The following SEC23A variants were observed in gnomAD, a reference collection of about 807,000 sequenced individuals.
SEC23A encodes the protein SEC23 homolog A, COPII component, also known as protein transport protein Sec23A.
A neutral mutation model predicts 103.7 loss-of-function variants in SEC23A; 56 were observed. That is an observed-to-expected ratio of 0.54 (90% CI 0.44 to 0.67). The LOEUF (loss-of-function observed/expected upper bound fraction) is 0.67, where lower values mean the gene tolerates loss of function less well. SEC23A is among the 30% of genes least tolerant of loss of function. The pLI is 0.00. For missense variants in SEC23A, 784 were observed against 936.4 expected (o/e 0.84, Z 2.12); for synonymous variants, 281 against 293.0 (o/e 0.96, Z 0.42).
At chr14:39,050,960 T>C (rs987602862) in intron 14 of SEC23A, among the ~76,000 whole-genome samples, 32 of 152,178 alleles carry the variant, frequency 2.1e-4, no homozygotes, top group Non-Finnish European at 7.3e-5. Context: ...GCACTTTAGT[T>C]TCAGTAGCTA....
At chr14:39,040,451 C>G in intron 18 of SEC23A, 1 of 424,004 alleles carries the variant, frequency 2.4e-6, no homozygotes, top group Non-Finnish European at 4.3e-6. Flanking sequence ...CTTGTTCAAC[C>G]AAAGCTAGTA....
chr14:39,076,244 A>C (rs1179534368), intron 7 of SEC23A, 151 bp from the exon 8 acceptor site: 1 of 746,850 alleles, frequency 1.3e-6, no homozygotes, highest in Non-Finnish European at 2.1e-6. Flanking sequence ...TTAAAAACAA[A>C]GGTATCTGAA....
Position 39,061,754 on chromosome 14 carries a change from A to G in SEC23A, c.1505+11T>C, listed in dbSNP as rs1056091806. The G allele has an allele frequency of 1.3e-6, 2 of 1,582,380 alleles. No homozygotes were observed. The highest frequency in any genetic ancestry group is 2.7e-5 in the African/African-American group (2 of 74,256). On this transcript the variant is annotated intron_variant, in intron 13 of 19. Coordinates refer to ENST00000307712, the MANE Select transcript of SEC23A (RefSeq NM_006364.4). ...GATATGAAAATCAAATCTCTAACAA[A>G]TACAACTTACTTCCTAGCAATGGTG...
At position 39,045,061 on chromosome 14, in the gene SEC23A, TC is replaced by T. The variant is rs1288601828; in HGVS notation, c.1899+101del. ...GAGATGTCCATTCTTTTAGTTAAAT[TC>T]TTATATTTAGTAACTATATGCATTT... On this transcript the variant is annotated intron_variant, in intron 16 of 19. Coordinates refer to ENST00000307712, the MANE Select transcript of SEC23A (RefSeq NM_006364.4). The T allele has an allele frequency of 4.1e-6, 4 of 973,708 alleles. No individual in the cohort carries two copies. In the African/African-American group the frequency reaches 4.9e-5, roughly 12 times the overall value. The allele number at this position is 973,708 out of a possible 1,614,324, so 60.3% of individuals were successfully genotyped here. A position where few individuals can be genotyped will look rare whatever the true frequency, so the allele number is the denominator to read the frequency against.
intron 18 of SEC23A, 101 bp downstream of exon 18, chr14:39,040,631 T>C (rs986915430): frequency 5.5e-6 from 8 of 1,449,638 alleles, no homozygotes; most frequent in East Asian, 4.5e-5. Context: ...TACCTTTCTG[T>C]CTGCTTTATG....
chr14:39,099,341 G>C (rs762978471), intron 1 of SEC23A, among the ~76,000 whole-genome samples: 7 of 151,706 alleles, frequency 4.6e-5, no homozygotes, highest in African/African-American at 7.3e-5. Flanking sequence ...TGTATTTTTA[G>C]TAGAGACAGG....
At position 39,042,814 on chromosome 14, in the gene SEC23A, A is replaced by G. The variant is rs1885692303; in HGVS notation, c.1958T>C (p.Phe653Ser). The part of the protein sequence containing the change: ...LADRILLMDT[F>S]FQILIYHGET... ...ACCATGATAAATCAAAATCTGGAAG[A>G]ATGTGTCCATGAGAAGAATACGATC... The change falls in exon 17 of 20, where the codon TTC (phenylalanine) becomes TCC (serine). Residue 653 changes from phenylalanine to serine, a missense_variant. Physicochemically the swap from Phe to Ser is radical, Grantham distance 155 (BLOSUM62 -2). Transcript: ENST00000307712. 1 of 1,611,416 alleles carries G rather than the reference A, an allele frequency of 6.2e-7. No individual in the cohort carries two copies. The highest frequency in any genetic ancestry group is 1.3e-5 in the African/African-American group (1 of 74,864).
intron 5 of SEC23A, among the ~76,000 whole-genome samples, chr14:39,090,692 G>A (rs1325751674): frequency 6.6e-6 from 1 of 152,150 alleles, no homozygotes; most frequent in East Asian, 1.9e-4. Flanking sequence ...ACACTGGGGT[G>A]AGACCCTCAC....
chr14:39,035,569 A>G (rs980465675), intron 19 of SEC23A, among the ~76,000 whole-genome samples: 1 of 152,162 alleles, frequency 6.6e-6, no homozygotes, highest in African/African-American at 2.4e-5. Flanking sequence ...CCAGCCTTCC[A>G]CCCTTCCAAG....
At chr14:39,065,870 T>C (rs1402422899) in intron 10 of SEC23A, among the ~76,000 whole-genome samples, 4 of 151,762 alleles carry the variant, frequency 2.6e-5, no homozygotes, top group Admixed American at 2.0e-4. Context: ...TGGTGGCACA[T>C]GCCTGTAATC....
intron 3 of SEC23A, 198 bp downstream of exon 3, chr14:39,092,989 G>A (rs1486270054): frequency 1.0e-5 from 5 of 494,060 alleles, no homozygotes; most frequent in South Asian, 2.2e-5. Flanking sequence ...TCAGCCTCAC[G>A]AGTAGCTGGG....
chr14:39,064,627 A>G (rs547209684), intron 11 of SEC23A: 8 of 382,012 alleles, frequency 2.1e-5, no homozygotes, highest in African/African-American at 1.6e-4. Flanking sequence ...AGGTATACCA[A>G]TGGGAGCTGA....
At chr14:39,061,545 G>C (rs1378646907) in intron 13 of SEC23A, among the ~76,000 whole-genome samples, 2 of 151,974 alleles carry the variant, frequency 1.3e-5, no homozygotes, top group Non-Finnish European at 2.9e-5. Context: ...ATAATATTTT[G>C]AAGGGTGTGT....
chr14:39,060,449 TGA>T (rs2139223397), intron 13 of SEC23A, among the ~76,000 whole-genome samples: 1 of 152,250 alleles, frequency 6.6e-6, no homozygotes, highest in South Asian at 2.1e-4. Context: ...TTAATGAAAA[TGA>T]GAGCTACAAA....
chr14:39,040,836 T>C lies in SEC23A; in HGVS notation c.2038A>G (p.Asn680Asp), dbSNP rs200050093. The C allele has an allele frequency of 3.3e-4, 529 of 1,614,058 alleles. No homozygotes were observed. Among genetic ancestry groups the C allele is most frequent in the Non-Finnish European group, 4.3e-4 (502 of 1,180,030 alleles). ...GGGGCTTGCAGAAGGTGGCGGAAAT[T>C]TTCATACTCAGGCATATCCTGGTAT... is the stretch of plus-strand genomic sequence containing the variant. ...SGYQDMPEYE[N>D]FRHLLQAPVD... The change falls in exon 18 of 20, where the codon AAT (asparagine) becomes GAT (aspartate). Residue 680 changes from asparagine (N) to aspartate (D), a missense_variant. Asn to Asp is a conservative substitution (Grantham distance 23, BLOSUM62 1). Transcript: ENST00000307712.
At chr14:39,051,799 C>A (rs748756120) in intron 14 of SEC23A, among the ~76,000 whole-genome samples, 11 of 151,592 alleles carry the variant, frequency 7.3e-5, no homozygotes, top group Non-Finnish European at 1.0e-4. Context: ...CCCGTCTCTA[C>A]TAAAAATACA....
chr14:39,047,439 C>T, intron 15 of SEC23A: 1 of 1,283,924 alleles, frequency 7.8e-7, no homozygotes, highest in Non-Finnish European at 1.0e-6. Flanking sequence ...AGTCTCTCCT[C>T]TGTAAGCATG....
intron 5 of SEC23A, among the ~76,000 whole-genome samples, chr14:39,089,165 CAAA>C (rs58732430): frequency 8.7e-5 from 6 of 69,336 alleles, no homozygotes; most frequent in Admixed American, 1.5e-4. Context: ...GACTCCGTGT[CAAA>C]AAAAAAAAAA....
intron 1 of SEC23A, among the ~76,000 whole-genome samples, chr14:39,099,812 T>C (rs1252074791): frequency 6.6e-6 from 1 of 152,104 alleles, no homozygotes; most frequent in Non-Finnish European, 1.5e-5. Flanking sequence ...ACCAAAACAA[T>C]ATATCACAAT....
Sources: gnomAD v4.1 joint callset for allele counts (sites outside exome capture counted in the v4.1 genomes callset) on GRCh38, gnomAD v4.1.1 for gene constraint, MANE v1.5 for transcripts, NCBI Gene and HGNC (gene_info 2026-07-23, HGNC 2026-07-21) for gene names.